The following EPC2 variants were observed in gnomAD, a reference collection of about 807,000 sequenced individuals.
EPC2 encodes enhancer of polycomb 2, also known as enhancer of polycomb homolog 2.
A neutral mutation model predicts 92.1 loss-of-function variants in EPC2; 14 were observed. That is an observed-to-expected ratio of 0.15 (90% CI 0.10 to 0.24). EPC2 has a LOEUF of 0.24. Ranked by LOEUF, EPC2 falls within the 10% of genes least tolerant of loss-of-function variation. The pLI is 1.00. For missense variants in EPC2, 755 were observed against 971.5 expected, an observed-to-expected ratio of 0.78 and a Z score of 2.96; for synonymous variants, 340 against 334.7, an observed-to-expected ratio of 1.02 and a Z score of -0.17.
chr2:148,780,314 G>A (rs1182220424), intron 10 of EPC2, among the ~76,000 whole-genome samples: 1 of 152,138 alleles, frequency 6.6e-6, no homozygotes, highest in Non-Finnish European at 1.5e-5. Flanking sequence ...AGAAATGAGA[G>A]TGTATCTAAA....
intron 13 of EPC2, among the ~76,000 whole-genome samples, chr2:148,785,849 GA>G (rs1357814133): frequency 4.0e-5 from 6 of 151,880 alleles, no homozygotes; most frequent in Admixed American, 1.3e-4. Flanking sequence ...CAATGAATCA[GA>G]AAAAAATTGA....
chr2:148,651,920 AG>A (rs1467305774), intron 1 of EPC2, among the ~76,000 whole-genome samples: 16 of 152,346 alleles, frequency 1.1e-4, no homozygotes, highest in Admixed American at 8.5e-4. Flanking sequence ...AGAACATGCT[AG>A]AGCCAGAATT....
intron 1 of EPC2, among the ~76,000 whole-genome samples, chr2:148,685,517 T>C (rs1436519955): frequency 6.6e-6 from 1 of 152,188 alleles, no homozygotes; most frequent in African/African-American, 2.4e-5. Flanking sequence ...TCCCAGCACT[T>C]TGGGAGGCTG....
chr2:148,692,601 A>G (rs988943220), intron 2 of EPC2: 1 of 152,136 alleles, frequency 6.6e-6, no homozygotes, highest in African/African-American at 2.4e-5. Flanking sequence ...TTTGAGTCCT[A>G]TTAGCTTTTT....
chr2:148,717,086 C>T (rs1016159753), intron 2 of EPC2, among the ~76,000 whole-genome samples: 6 of 151,790 alleles, frequency 4.0e-5, no homozygotes, highest in Non-Finnish European at 8.8e-5. Context: ...GGTGATATCC[C>T]CCTTATCATT....
rs1279481054 is a variant in EPC2 at position 148,785,604 on chromosome 2, G to A, written c.2351+603G>A. Among the ~76,000 whole-genome samples, 4 of 152,200 alleles carry A rather than the reference G, an allele frequency of 2.6e-5. No homozygotes were observed. The South Asian group carries it at 6.2e-4, about 24-fold the overall frequency. The stretch of plus-strand genomic sequence containing the variant: ...GCCTCCCAAAGTGCTGGGATTACAA[G>A]TGTGAAGTTCCTCTTGTATTAATGT... On this transcript the variant is annotated intron_variant, in intron 13 of 13. Coordinates refer to ENST00000258484, the MANE Select transcript of EPC2 (RefSeq NM_015630.4).
At chr2:148,752,357 A>G (rs1683096500) in intron 3 of EPC2, among the ~76,000 whole-genome samples, 2 of 152,172 alleles carry the variant, frequency 1.3e-5, no homozygotes, top group Admixed American at 6.6e-5. Flanking sequence ...TATTAGATCT[A>G]GAAAGCTGTG....
At chr2:148,780,986 C>T (rs1683736917) in intron 10 of EPC2, among the ~76,000 whole-genome samples, 1 of 152,146 alleles carries the variant, frequency 6.6e-6, no homozygotes, top group South Asian at 2.1e-4. Flanking sequence ...ACACTTTTAA[C>T]ACAGTTGGTC....
intron 7 of EPC2, among the ~76,000 whole-genome samples, chr2:148,767,128 A>T (rs79352845): frequency 6.6e-6 from 1 of 151,264 alleles, no homozygotes; most frequent in African/African-American, 2.4e-5. Flanking sequence ...AGCCAGGGAG[A>T]TGAAGGTTGC....
At chr2:148,662,636 G>A (rs1245848765) in intron 1 of EPC2, among the ~76,000 whole-genome samples, 1 of 151,932 alleles carries the variant, frequency 6.6e-6, no homozygotes, top group Non-Finnish European at 1.5e-5. Flanking sequence ...ATGGACACAG[G>A]AAGGGGACCA....
chr2:148,671,148 G>A (rs1279820472), intron 1 of EPC2, among the ~76,000 whole-genome samples: 3 of 152,138 alleles, frequency 2.0e-5, no homozygotes, highest in African/African-American at 7.2e-5. Context: ...GCTGATAGTG[G>A]TATATTAAAG....
intron 2 of EPC2, chr2:148,692,112 A>G (rs944057717): frequency 1.3e-5 from 3 of 236,762 alleles, no homozygotes; most frequent in African/African-American, 7.0e-5. Context: ...CATAGGGACT[A>G]CGAAAATTAC....
intron 2 of EPC2, among the ~76,000 whole-genome samples, chr2:148,718,166 G>A (rs923570651): frequency 4.6e-5 from 7 of 152,178 alleles, no homozygotes; most frequent in Non-Finnish European, 7.3e-5. Flanking sequence ...CTTGAAGGTA[G>A]CGTAGCAATG....
rs555707036 is a variant in EPC2, at chr2:148,704,878, T to C, written c.313+14505T>C. ...TATGTCCTGGTGACATTAGGGATTTTTAATGTGTATCTTTTTTCTTTTTCT... is the reference window on the plus strand; with the variant it reads ...TATGTCCTGGTGACATTAGGGATTTCTAATGTGTATCTTTTTTCTTTTTCT... On this transcript the variant is annotated intron_variant, in intron 2 of 13. Transcript: ENST00000258484. Among the ~76,000 whole-genome samples, 3 of 152,294 alleles carry C rather than the reference T, an allele frequency of 2.0e-5. No homozygotes were observed. In the East Asian group the frequency reaches 5.8e-4, roughly 29 times the overall value.
In EPC2 at chr2:148,769,257, G is replaced by A; in HGVS notation, c.1230+17G>A. ...TATTATGCTGTAAGAACTTTTGTGT[G>A]TGTGTGGTGTTTTTGTGAACTGGAA... On this transcript the variant is annotated intron_variant, in intron 8 of 13. Coordinates refer to ENST00000258484, the MANE Select transcript of EPC2 (RefSeq NM_015630.4). The A allele has an allele frequency of 1.9e-6, 3 of 1,576,106 alleles. No homozygotes were observed. Among genetic ancestry groups the A allele is most frequent in the Middle Eastern group, 1.7e-4 (1 of 5,990 alleles).
intron 3 of EPC2, among the ~76,000 whole-genome samples, chr2:148,750,761 A>T (rs1182061374): frequency 6.6e-6 from 1 of 152,118 alleles, no homozygotes; most frequent in African/African-American, 2.4e-5. Context: ...AAAAGTGGTC[A>T]TTTAACTCTT....
intron 2 of EPC2, among the ~76,000 whole-genome samples, chr2:148,700,374 T>C (rs1681847310): frequency 6.6e-6 from 1 of 152,108 alleles, no homozygotes; most frequent in South Asian, 2.1e-4. Flanking sequence ...TGTAGATCTG[T>C]GATCCATTTT....
At chr2:148,711,848 A>G (rs1574598208) in intron 2 of EPC2, among the ~76,000 whole-genome samples, 1 of 152,156 alleles carries the variant, frequency 6.6e-6, no homozygotes, top group Admixed American at 6.6e-5. Flanking sequence ...TTCATCCCTA[A>G]TAATTTTCCT....
intron 3 of EPC2, among the ~76,000 whole-genome samples, chr2:148,745,984 A>G (rs1377166427): frequency 6.6e-6 from 1 of 152,008 alleles, no homozygotes; most frequent in East Asian, 1.9e-4. Flanking sequence ...TTGTGCTCTC[A>G]TGTCTTGGAG....
Sources: allele counts gnomAD v4.1 joint callset (sites outside exome capture counted in the v4.1 genomes callset), GRCh38; gene constraint gnomAD v4.1.1; transcripts MANE v1.5; gene names NCBI Gene and HGNC (gene_info 2026-07-23, HGNC 2026-07-21).